BBS9: variants seen among roughly 807,000 people sequenced by gnomAD.
BBS9 encodes protein PTHB1.
A neutral mutation model predicts 117.7 loss-of-function variants in BBS9; 89 were observed. The ratio of observed to expected loss-of-function variants is 0.76; its 90% CI spans 0.64 to 0.90. The LOEUF (loss-of-function observed/expected upper bound fraction) is 0.90. Ranked by LOEUF, BBS9 falls within the 40% of genes least tolerant of loss-of-function variation. The pLI is 0.00. For synonymous variants in BBS9, 379 were observed against 370.9 expected (o/e 1.02, Z -0.25); for missense variants, 982 against 1,042.2 (o/e 0.94, Z 0.80).
At chr7:33,622,726 A>G (rs964359911) in intron 21 of BBS9, among the ~76,000 whole-genome samples, 16 of 152,234 alleles carry the variant, frequency 1.1e-4, no homozygotes, top group African/African-American at 3.9e-4. Flanking sequence ...GTATGGAATT[A>G]ATGTAGGGAT....
At chr7:33,364,596 A>G (rs1233560829) in intron 16 of BBS9, among the ~76,000 whole-genome samples, 1 of 145,814 alleles carries the variant, frequency 6.9e-6, no homozygotes, top group Admixed American at 6.9e-5. Flanking sequence ...TCTATTTTTG[A>G]TGTTCTTCCT....
intron 9 of BBS9, among the ~76,000 whole-genome samples, chr7:33,303,089 A>T (rs1040559262): frequency 1.3e-5 from 2 of 152,140 alleles, no homozygotes; most frequent in African/African-American, 4.8e-5. Context: ...GCATATATAA[A>T]TGCTACTGAT....
At chr7:33,616,491 G>GTATATATATATA (rs1255562311) in intron 21 of BBS9, among the ~76,000 whole-genome samples, 19 of 138,736 alleles carry the variant, frequency 1.4e-4, no homozygotes, top group African/African-American at 5.2e-4. Context: ...GTGTGTGTGT[G>GTATATATATATA]TGTATATATA....
chr7:33,142,890 TA>T (rs1791720660), intron 1 of BBS9, among the ~76,000 whole-genome samples: 1 of 152,236 alleles, frequency 6.6e-6, no homozygotes, highest in Non-Finnish European at 1.5e-5. Context: ...AATCCGTGTG[TA>T]AAAATATCTC....
intron 5 of BBS9, among the ~76,000 whole-genome samples, chr7:33,220,433 C>A (rs1227291765): frequency 1.3e-5 from 2 of 152,180 alleles, no homozygotes; most frequent in African/African-American, 4.8e-5. Flanking sequence ...TTCCAGTCGA[C>A]CCGCACCTGA....
intron 1 of BBS9, among the ~76,000 whole-genome samples, chr7:33,131,921 A>T (rs1472735053): frequency 6.6e-6 from 1 of 152,242 alleles, no homozygotes; most frequent in African/African-American, 2.4e-5. Context: ...AAGTATTCAA[A>T]ACAAAAAAGT....
intron 9 of BBS9, among the ~76,000 whole-genome samples, chr7:33,320,704 A>G (rs1028721251): frequency 6.6e-6 from 1 of 152,062 alleles, no homozygotes; most frequent in East Asian, 1.9e-4. Flanking sequence ...TTCATTTCTA[A>G]CAACAATGTA....
chr7:33,444,091 A>G (rs750162159), intron 19 of BBS9, among the ~76,000 whole-genome samples: 3 of 152,140 alleles, frequency 2.0e-5, no homozygotes, highest in Non-Finnish European at 2.9e-5. Context: ...TTGAAGGGTG[A>G]TACCTGTGGT....
chr7:33,411,911 A>T (rs1277563910), intron 19 of BBS9, among the ~76,000 whole-genome samples: 1 of 152,180 alleles, frequency 6.6e-6, no homozygotes, highest in African/African-American at 2.4e-5. Context: ...TATACAGATA[A>T]TAATTATAAG....
At chr7:33,168,229 G>A (rs1218627964) in intron 4 of BBS9, among the ~76,000 whole-genome samples, 2 of 152,282 alleles carry the variant, frequency 1.3e-5, no homozygotes, top group South Asian at 4.1e-4. Context: ...GTTTTGGGAA[G>A]CCCATCAAAT....
chr7:33,200,160 A>T (rs952297057), intron 5 of BBS9, among the ~76,000 whole-genome samples: 1 of 152,136 alleles, frequency 6.6e-6, no homozygotes, highest in Non-Finnish European at 1.5e-5. Context: ...CCTTCCAATT[A>T]TATCACTGTT....
Position 33,605,845 on chromosome 7 carries a change from A to G in BBS9, c.*619A>G, listed in dbSNP as rs1196341850. 1 of 153,558 alleles carries G rather than the reference A, an allele frequency of 6.5e-6. No individual in the cohort carries two copies. Among genetic ancestry groups the G allele is most frequent in the Non-Finnish European group, 1.4e-5 (1 of 68,994 alleles). 9.5% of individuals were successfully genotyped at this position (153,558 alleles called of 1,614,324 possible). ...AGGGAAGTTTTCTAGTATTGTATGA[A>G]AATGTTTAAATATTTTCAAGGAAGC... On this transcript the variant is annotated 3_prime_UTR_variant, in exon 23 of 23. Transcript: ENST00000242067.
chr7:33,267,760 C>T (rs1799071294), intron 7 of BBS9, among the ~76,000 whole-genome samples: 1 of 152,238 alleles, frequency 6.6e-6, no homozygotes, highest in African/African-American at 2.4e-5. Flanking sequence ...ATTTAAATGA[C>T]AAGAAAAATA....
chr7:33,399,924 T>C (rs1230717098), intron 19 of BBS9, among the ~76,000 whole-genome samples: 2 of 152,164 alleles, frequency 1.3e-5, no homozygotes, highest in Non-Finnish European at 2.9e-5. Flanking sequence ...AGACCTATTA[T>C]CGTATGAAAA....
intron 16 of BBS9, among the ~76,000 whole-genome samples, chr7:33,364,022 C>T (rs1242771805): frequency 2.8e-5 from 1 of 35,498 alleles, no homozygotes. Flanking sequence ...GATCTCGGCT[C>T]ACTGCAAGCT....
intron 19 of BBS9, among the ~76,000 whole-genome samples, chr7:33,482,152 A>G (rs529183027): frequency 4.6e-5 from 7 of 152,296 alleles, no homozygotes; most frequent in Admixed American, 1.3e-4. Flanking sequence ...CAACTCTCAC[A>G]TATTCTTTAG....
At chr7:33,236,262 G>C (rs1198906039) in intron 5 of BBS9, among the ~76,000 whole-genome samples, 1 of 148,218 alleles carries the variant, frequency 6.7e-6, no homozygotes, top group Non-Finnish European at 1.5e-5. Context: ...GGAGGCAGAG[G>C]CTGCAGTGAG....
intron 19 of BBS9, among the ~76,000 whole-genome samples, chr7:33,410,541 T>C (rs1056038768): frequency 3.9e-5 from 6 of 152,198 alleles, no homozygotes; most frequent in Non-Finnish European, 5.9e-5. Flanking sequence ...GTCAGAAAGA[T>C]TGAGACTCTC....
chr7:33,406,663 G>C (rs572104924), intron 19 of BBS9, among the ~76,000 whole-genome samples: 171 of 152,176 alleles, frequency 1.1e-3, no homozygotes, highest in African/African-American at 3.9e-3. Flanking sequence ...TTGTTTGTCT[G>C]TAAAGTATTT....
Sources: gnomAD v4.1 joint callset for allele counts (sites outside exome capture counted in the v4.1 genomes callset) on GRCh38, gnomAD v4.1.1 for gene constraint, MANE v1.5 for transcripts, NCBI Gene and HGNC (gene_info 2026-07-23, HGNC 2026-07-21) for gene names.